Variants in DCC observed in about 807,000 individuals in gnomAD.
DCC encodes the protein netrin receptor DCC.
Under a neutral mutation model 172.5 loss-of-function variants are expected in DCC, and 58 were observed. The observed-to-expected ratio is 0.34, with a 90% CI of 0.27 to 0.42. The LOEUF (loss-of-function observed/expected upper bound fraction) is 0.42, where lower values mean the gene tolerates loss of function less well. Among genes scored for constraint, DCC ranks in the 10% least tolerant of loss-of-function variants. The pLI, the probability that DCC is intolerant of heterozygous loss-of-function variation, is 1.00. For synonymous variants in DCC, 709 were observed against 644.5 expected, an observed-to-expected ratio of 1.10 and a Z score of -1.52; for missense variants, 1,740 against 1,791.0, an observed-to-expected ratio of 0.97 and a Z score of 0.51.
intron 15 of DCC, among the ~76,000 whole-genome samples, chr18:53,363,586 A>C (rs1031409934): frequency 6.6e-6 from 1 of 152,084 alleles, no homozygotes; most frequent in African/African-American, 2.4e-5. Context: ...ACCGGCATAG[A>C]CATTTACACA....
intron 27 of DCC, among the ~76,000 whole-genome samples, chr18:53,502,189 G>A (rs1432557444): frequency 6.6e-6 from 1 of 152,070 alleles, no homozygotes; most frequent in African/African-American, 2.4e-5. Context: ...TCTGGCTAGA[G>A]TTTTTGTTTG....
chr18:53,244,979 G>A (rs2056348501), intron 12 of DCC, among the ~76,000 whole-genome samples: 1 of 152,016 alleles, frequency 6.6e-6, no homozygotes, highest in African/African-American at 2.4e-5. Context: ...ATCTAAATGT[G>A]AATTAGCATC....
chr18:52,863,976 T>G (rs764858769), intron 2 of DCC, among the ~76,000 whole-genome samples: 5 of 152,168 alleles, frequency 3.3e-5, no homozygotes, highest in Admixed American at 6.5e-5. Flanking sequence ...AATGCAAACT[T>G]AAAAAGCATT....
intron 1 of DCC, among the ~76,000 whole-genome samples, chr18:52,530,337 C>T (rs1340384664): frequency 3.3e-5 from 5 of 152,102 alleles, no homozygotes; most frequent in Non-Finnish European, 7.3e-5. Context: ...AAGTTCATTA[C>T]AAGAAAAACA....
chr18:52,971,687 G>A (rs1416053173), intron 5 of DCC, among the ~76,000 whole-genome samples: 22 of 152,044 alleles, frequency 1.4e-4, no homozygotes, highest in Admixed American at 1.4e-3. Context: ...ACCACTTTTA[G>A]CCTGTTACAG....
At chr18:53,355,261 CT>C (rs1393559902) in intron 15 of DCC, among the ~76,000 whole-genome samples, 2 of 148,456 alleles carry the variant, frequency 1.3e-5, no homozygotes, top group East Asian at 4.0e-4. Context: ...AATGCGGGCT[CT>C]TTTTTGGTTC....
chr18:53,133,835 C>G (rs1379489270), intron 7 of DCC, among the ~76,000 whole-genome samples: 3 of 151,998 alleles, frequency 2.0e-5, no homozygotes, highest in Admixed American at 6.6e-5. Flanking sequence ...CCAGGAGATA[C>G]AACAATAATG....
At chr18:53,364,614 A>C (rs867987327) in intron 15 of DCC, among the ~76,000 whole-genome samples, 6 of 152,294 alleles carry the variant, frequency 3.9e-5, no homozygotes, top group Middle Eastern at 3.4e-3. Flanking sequence ...TAAATGGGTA[A>C]ATGGGGATGG....
intron 1 of DCC, among the ~76,000 whole-genome samples, chr18:52,658,082 C>T (rs1644015522): frequency 6.6e-6 from 1 of 152,188 alleles, no homozygotes; most frequent in African/African-American, 2.4e-5. Flanking sequence ...CAAACTCGCT[C>T]ACCATTGACT....
intron 1 of DCC, among the ~76,000 whole-genome samples, chr18:52,545,463 G>A (rs570491521): frequency 5.3e-5 from 8 of 152,176 alleles, no homozygotes; most frequent in African/African-American, 1.4e-4. Context: ...GCCTCAAGCC[G>A]GTTCAGCTCT....
chr18:52,568,598 ATAT>A (rs2033219141), intron 1 of DCC, among the ~76,000 whole-genome samples: 1 of 151,692 alleles, frequency 6.6e-6, no homozygotes, highest in Admixed American at 6.6e-5. Flanking sequence ...ATTCTAATAA[ATAT>A]TATTTTTTTT....
chr18:53,327,551 C>T (rs1001534352), intron 14 of DCC, among the ~76,000 whole-genome samples: 5 of 152,128 alleles, frequency 3.3e-5, no homozygotes, highest in South Asian at 2.1e-4. Context: ...AGGAGTTTAG[C>T]TATCAAAAGT....
intron 7 of DCC, among the ~76,000 whole-genome samples, chr18:53,106,857 T>C (rs1032113349): frequency 2.0e-5 from 3 of 151,988 alleles, no homozygotes; most frequent in Non-Finnish European, 4.4e-5. Flanking sequence ...GGGGTAGATG[T>C]GCTCTACTAC....
intron 26 of DCC, among the ~76,000 whole-genome samples, chr18:53,488,812 T>C: frequency 6.6e-6 from 1 of 152,208 alleles, no homozygotes; most frequent in East Asian, 1.9e-4. Flanking sequence ...CTGTACCTTC[T>C]GCTCAATTTT....
intron 1 of DCC, among the ~76,000 whole-genome samples, chr18:52,414,560 C>T (rs1214526060): frequency 1.3e-5 from 2 of 152,104 alleles, no homozygotes; most frequent in Non-Finnish European, 2.9e-5. Context: ...GGATTCTCCC[C>T]CTTGTTATCG....
At chr18:52,627,171 C>T (rs1296914145) in intron 1 of DCC, among the ~76,000 whole-genome samples, 2 of 152,348 alleles carry the variant, frequency 1.3e-5, no homozygotes, top group East Asian at 3.9e-4. Context: ...CTTTATTGCA[C>T]AACCCTATAC....
intron 1 of DCC, among the ~76,000 whole-genome samples, chr18:52,434,752 T>C (rs971575137): frequency 4.0e-5 from 6 of 151,404 alleles, no homozygotes; most frequent in Admixed American, 2.0e-4. Flanking sequence ...TCTTCAAGAT[T>C]ATGCCCTTTT....
chr18:53,396,024 A>G (rs1908916640), intron 17 of DCC, among the ~76,000 whole-genome samples: 1 of 152,240 alleles, frequency 6.6e-6, no homozygotes, highest in East Asian at 1.9e-4. Context: ...CCGAAATGTT[A>G]TTAGTACAGT....
chr18:52,354,392 C>T (rs1276077737), intron 1 of DCC, among the ~76,000 whole-genome samples: 1 of 152,166 alleles, frequency 6.6e-6, no homozygotes, highest in Non-Finnish European at 1.5e-5. Context: ...ATGTTCTAAT[C>T]GTCCAGAAAA....
Sources: gnomAD v4.1 joint callset for allele counts (sites outside exome capture counted in the v4.1 genomes callset) on GRCh38, gnomAD v4.1.1 for gene constraint, MANE v1.5 for transcripts, NCBI Gene and HGNC (gene_info 2026-07-23, HGNC 2026-07-21) for gene names.